Variants in RGS7 observed in about 807,000 individuals in gnomAD.
RGS7 encodes the protein regulator of G-protein signaling 7.
Under a neutral mutation model 81.1 loss-of-function variants are expected in RGS7, and 27 were observed. That is an observed-to-expected ratio of 0.33 (90% CI 0.25 to 0.46). The LOEUF (loss-of-function observed/expected upper bound fraction) is 0.46. Among genes scored for constraint, RGS7 ranks in the 20% least tolerant of loss-of-function variants. The pLI, the probability that RGS7 is intolerant of heterozygous loss-of-function variation, is 1.00. For missense variants in RGS7, 396 were observed against 607.4 expected (o/e 0.65, Z 3.66); for synonymous variants, 208 against 207.7 (o/e 1.00, Z -0.01).
chr1:241,017,653 T>C (rs2059330094), intron 3 of RGS7, among the ~76,000 whole-genome samples: 1 of 152,156 alleles, frequency 6.6e-6, no homozygotes, highest in Non-Finnish European at 1.5e-5. Context: ...GATTGCATAG[T>C]TTCTGGTGAA....
intron 10 of RGS7, among the ~76,000 whole-genome samples, chr1:240,818,499 A>G (rs530488667): frequency 1.3e-5 from 2 of 152,250 alleles, no homozygotes; most frequent in African/African-American, 4.8e-5. Context: ...CCAAACTGAT[A>G]CTAGCCATAT....
intron 4 of RGS7, among the ~76,000 whole-genome samples, chr1:240,981,850 A>T (rs1325025270): frequency 6.6e-6 from 1 of 152,132 alleles, no homozygotes. Flanking sequence ...AAAAATTAAA[A>T]CCTTGCATCT....
chr1:240,909,804 G>C (rs1671437066), intron 6 of RGS7, among the ~76,000 whole-genome samples: 1 of 152,198 alleles, frequency 6.6e-6, no homozygotes, highest in Non-Finnish European at 1.5e-5. Context: ...AGGCTTTCCT[G>C]TTCTGGGTGC....
intron 2 of RGS7, among the ~76,000 whole-genome samples, chr1:241,332,061 T>C (rs965297731): frequency 2.0e-5 from 3 of 152,228 alleles, no homozygotes; most frequent in Non-Finnish European, 2.9e-5. Context: ...TTACAGTCTT[T>C]ACATTTTTAT....
intron 4 of RGS7, among the ~76,000 whole-genome samples, chr1:240,950,288 T>C (rs1374757062): frequency 6.6e-6 from 1 of 152,162 alleles, no homozygotes; most frequent in African/African-American, 2.4e-5. Flanking sequence ...CTCATGGCTC[T>C]GGCAGAAGAG....
At chr1:240,978,648 A>G (rs1162483417) in intron 4 of RGS7, among the ~76,000 whole-genome samples, 3 of 152,166 alleles carry the variant, frequency 2.0e-5, no homozygotes, top group Non-Finnish European at 4.4e-5. Context: ...ATAATAATCG[A>G]GATGTAGAAA....
chr1:241,038,711 C>T (rs2148758031), intron 3 of RGS7, among the ~76,000 whole-genome samples: 1 of 152,304 alleles, frequency 6.6e-6, no homozygotes, highest in Non-Finnish European at 1.5e-5. Flanking sequence ...CGTAGGGTAG[C>T]CAGCCTGATC....
chr1:241,106,752 C>CACACACACACACACACACACA (rs1553421292), intron 2 of RGS7, among the ~76,000 whole-genome samples: 3 of 121,642 alleles, frequency 2.5e-5, no homozygotes, highest in Non-Finnish European at 3.3e-5. Flanking sequence ...AACACCACCA[C>CACACACACACACACACACACA]CACACACACA....
intron 3 of RGS7, among the ~76,000 whole-genome samples, chr1:241,075,622 A>G (rs1239182258): frequency 6.6e-6 from 1 of 152,208 alleles, no homozygotes; most frequent in Non-Finnish European, 1.5e-5. Flanking sequence ...AAAACGTCTC[A>G]TCATGTTTTA....
In RGS7 at chr1:241,327,080, GAGAAAGAAAGAAAGAAAGAAAGAA is replaced by G. The variant is rs75083243; in HGVS notation, c.78+28595_78+28618del. On this transcript the variant is annotated intron_variant, in intron 2 of 18. Coordinates refer to ENST00000440928, the MANE Select transcript of RGS7 (RefSeq NM_001364886.1). ...AAGGAAGAAGGAAGGAAGGAAGGAAGAGAAAGAAAGAAAGAAAGAAAGAAAGAAAGAAAGAAAGAAAGAAAGAAA... is the reference window on the plus strand; with the variant it reads ...AAGGAAGAAGGAAGGAAGGAAGGAAGAGAAAGAAAGAAAGAAAGAAAGAAA... 5.7e-3 allele frequency among the ~76,000 whole-genome samples: 282 copies of G among 49,386 alleles called. 6 individuals are homozygous for G. Among genetic ancestry groups the G allele is most frequent in the Middle Eastern group, 0.029 (2 of 68 alleles). The allele number at this position is 49,386 out of a possible 152,430, so 32.4% of individuals were successfully genotyped here. A position where few individuals can be genotyped will look rare whatever the true frequency, so the allele number is the denominator to read the frequency against.
chr1:241,347,303 C>T (rs1174929773), intron 2 of RGS7, among the ~76,000 whole-genome samples: 1 of 152,084 alleles, frequency 6.6e-6, no homozygotes, highest in Non-Finnish European at 1.5e-5. Context: ...GAAGTTGAGA[C>T]ACTTGCCCAA....
Position 240,845,487 on chromosome 1 carries a change from T to A in RGS7, c.610-18315A>T, listed in dbSNP as rs1658909728. Among the ~76,000 whole-genome samples, 4 of 152,190 alleles carry A rather than the reference T, an allele frequency of 2.6e-5. No homozygotes were observed. The South Asian group carries it at 8.3e-4, about 31-fold the overall frequency. ...GTCTTATGAATTGACAAAGTTTGCA[T>A]CCTATGCAATAGAGATCACATGGGG... On this transcript the variant is annotated intron_variant, in intron 9 of 18. Coordinates refer to ENST00000440928, the MANE Select transcript of RGS7 (RefSeq NM_001364886.1).
At chr1:240,873,538 T>C (rs921927284) in intron 6 of RGS7, among the ~76,000 whole-genome samples, 1 of 152,192 alleles carries the variant, frequency 6.6e-6, no homozygotes, top group African/African-American at 2.4e-5. Flanking sequence ...AAATGCAACT[T>C]AGAACTTAGA....
intron 3 of RGS7, among the ~76,000 whole-genome samples, chr1:241,019,705 G>A (rs974037308): frequency 6.6e-6 from 1 of 152,170 alleles, no homozygotes; most frequent in Admixed American, 6.5e-5. Flanking sequence ...TTTTATGGCT[G>A]CATACTATTC....
chr1:240,829,537 T>G (rs1017845802), intron 9 of RGS7, among the ~76,000 whole-genome samples: 1 of 152,208 alleles, frequency 6.6e-6, no homozygotes, highest in Admixed American at 6.5e-5. Flanking sequence ...GTTTTCACTT[T>G]CCATTCGATT....
chr1:240,840,678 T>G lies in RGS7; in HGVS notation c.610-13506A>C, dbSNP rs139362183. 5.3e-5 allele frequency among the ~76,000 whole-genome samples: 8 copies of G among 152,360 alleles called. No homozygotes were observed. The East Asian group carries it at 1.5e-3, about 29-fold the overall frequency. On this transcript the variant is annotated intron_variant, in intron 9 of 18. Transcript: ENST00000440928. ...CGATCACATCACCTTGCTTTTATTT[T>G]TATCATATCACTTACCTCCACCTGG...
chr1:240,909,270 T>C (rs1009268585), intron 6 of RGS7, among the ~76,000 whole-genome samples: 2 of 152,224 alleles, frequency 1.3e-5, no homozygotes, highest in Non-Finnish European at 2.9e-5. Context: ...GAAGCATATT[T>C]GCATCAATGA....
At chr1:241,279,876 CTG>C (rs1263444578) in intron 2 of RGS7, among the ~76,000 whole-genome samples, 1 of 152,172 alleles carries the variant, frequency 6.6e-6, no homozygotes, top group Non-Finnish European at 1.5e-5. Flanking sequence ...ACCCAGGCTG[CTG>C]TGTGTATCAA....
At chr1:241,057,300 G>T (rs1042926902) in intron 3 of RGS7, among the ~76,000 whole-genome samples, 2 of 152,068 alleles carry the variant, frequency 1.3e-5, no homozygotes, top group Non-Finnish European at 2.9e-5. Context: ...GAAATATTTG[G>T]ATAAGTCATT....
Sources: gnomAD v4.1 joint callset for allele counts (sites outside exome capture counted in the v4.1 genomes callset) on GRCh38, gnomAD v4.1.1 for gene constraint, MANE v1.5 for transcripts, NCBI Gene and HGNC (gene_info 2026-07-23, HGNC 2026-07-21) for gene names.